Variants in CPNE4 observed in about 807,000 individuals in gnomAD.
CPNE4 encodes copine-4.
Under a neutral mutation model 67.9 loss-of-function variants are expected in CPNE4, and 25 were observed. That is an observed-to-expected ratio of 0.37 (90% CI 0.27 to 0.51). CPNE4 has a LOEUF of 0.51. CPNE4 is among the 20% of genes least tolerant of loss of function. CPNE4 has a pLI of 0.93. For synonymous variants in CPNE4, 242 were observed against 244.9 expected, an observed-to-expected ratio of 0.99 and a Z score of 0.11; for missense variants, 464 against 690.8, an observed-to-expected ratio of 0.67 and a Z score of 3.68.
At chr3:131,550,385 T>C (rs1286234706) in intron 13 of CPNE4, among the ~76,000 whole-genome samples, 2 of 152,104 alleles carry the variant, frequency 1.3e-5, no homozygotes, top group African/African-American at 2.4e-5. Context: ...GTTATACCCA[T>C]TTTATAGGTG....
chr3:131,794,997 T>C (rs1359283205), intron 2 of CPNE4, among the ~76,000 whole-genome samples: 4 of 152,230 alleles, frequency 2.6e-5, no homozygotes, highest in African/African-American at 9.6e-5. Flanking sequence ...CCATCTGTCG[T>C]GGCTTAGCCA....
intron 2 of CPNE4, among the ~76,000 whole-genome samples, chr3:131,849,424 A>T (rs549010700): frequency 6.6e-6 from 1 of 152,218 alleles, no homozygotes; most frequent in South Asian, 2.1e-4. Flanking sequence ...AATGTTTTAC[A>T]TGGCCAGACG....
intron 2 of CPNE4, among the ~76,000 whole-genome samples, chr3:131,822,427 C>T (rs973112746): frequency 6.6e-6 from 1 of 152,138 alleles, no homozygotes; most frequent in African/African-American, 2.4e-5. Flanking sequence ...AGAAAATAAC[C>T]ATTTTCTCTT....
intron 2 of CPNE4, among the ~76,000 whole-genome samples, chr3:131,826,609 T>C (rs188339009): frequency 3.9e-5 from 6 of 152,140 alleles, no homozygotes; most frequent in African/African-American, 1.5e-4. Context: ...GTTAATTCCC[T>C]ATCTTCCCTA....
At chr3:131,707,521 G>C (rs1166405804) in intron 3 of CPNE4, among the ~76,000 whole-genome samples, 3 of 152,098 alleles carry the variant, frequency 2.0e-5, no homozygotes, top group Non-Finnish European at 4.4e-5. Context: ...TATTTTTGGG[G>C]GCCACTGTTT....
chr3:132,016,806 T>A (rs1560791203), intron 1 of CPNE4, among the ~76,000 whole-genome samples: 1 of 152,206 alleles, frequency 6.6e-6, no homozygotes, highest in Non-Finnish European at 1.5e-5. Flanking sequence ...CATCTAGCAG[T>A]CATATTCACA....
intron 3 of CPNE4, among the ~76,000 whole-genome samples, chr3:131,722,500 A>C (rs1394091651): frequency 1.3e-5 from 2 of 149,246 alleles, no homozygotes; most frequent in African/African-American, 4.9e-5. Flanking sequence ...CTTACTTGGA[A>C]GTCTCCCCTC....
At chr3:131,685,363 G>T (rs1031725740) in intron 6 of CPNE4, among the ~76,000 whole-genome samples, 2 of 151,748 alleles carry the variant, frequency 1.3e-5, no homozygotes, top group Admixed American at 6.6e-5. Context: ...TAGAAATTGG[G>T]GTTAGAAAGG....
intron 2 of CPNE4, among the ~76,000 whole-genome samples, chr3:131,779,657 A>C (rs2083384076): frequency 6.6e-6 from 1 of 152,044 alleles, no homozygotes; most frequent in Admixed American, 6.6e-5. Context: ...CTGGACCCTT[A>C]CCTGTCACCA....
intron 2 of CPNE4, among the ~76,000 whole-genome samples, chr3:131,760,012 T>C (rs896028747): frequency 6.6e-6 from 1 of 152,218 alleles, no homozygotes; most frequent in African/African-American, 2.4e-5. Context: ...TCCTCCACTA[T>C]AAAGAAAATT....
At chr3:131,767,269 G>GTGTC (rs2083044375) in intron 2 of CPNE4, among the ~76,000 whole-genome samples, 1 of 151,716 alleles carries the variant, frequency 6.6e-6, no homozygotes, top group Admixed American at 6.6e-5. Context: ...GCGTGTGTGT[G>GTGTC]TGTGTGTGTG....
chr3:131,786,044 C>T (rs2083553823), intron 2 of CPNE4, among the ~76,000 whole-genome samples: 1 of 151,998 alleles, frequency 6.6e-6, no homozygotes, highest in African/African-American at 2.4e-5. Flanking sequence ...AACCGCAAGG[C>T]CCAAAGCCTC....
intron 1 of CPNE4, among the ~76,000 whole-genome samples, chr3:131,928,950 C>A (rs1225036): frequency 0.24 from 36,715 of 151,892 alleles, 5,264 homozygotes; most frequent in Non-Finnish European, 0.32. Flanking sequence ...GTAGAGAGGG[C>A]TAGTCCTAGG....
intron 7 of CPNE4, among the ~76,000 whole-genome samples, chr3:131,668,214 A>G (rs2080311175): frequency 6.6e-6 from 1 of 152,212 alleles, no homozygotes; most frequent in African/African-American, 2.4e-5. Flanking sequence ...ATATAAAGCA[A>G]CCTTAAAGAG....
At chr3:131,994,805 C>T (rs1320899) in intron 1 of CPNE4, among the ~76,000 whole-genome samples, 3,765 of 152,282 alleles carry the variant, frequency 0.025, 146 homozygotes, top group African/African-American at 0.084. Flanking sequence ...GAGACTGTCA[C>T]TTGTACAGAA....
intron 1 of CPNE4, among the ~76,000 whole-genome samples, chr3:131,965,696 C>A (rs1046234605): frequency 1.3e-5 from 2 of 152,072 alleles, no homozygotes; most frequent in Non-Finnish European, 2.9e-5. Context: ...ATATATGCAC[C>A]CAATACAGGG....
In CPNE4 at chr3:131,953,169, C is replaced by G. The variant is rs972289845; in HGVS notation, c.-1-47725G>C. Among the ~76,000 whole-genome samples, 32 of 149,872 alleles carry G rather than the reference C, an allele frequency of 2.1e-4. No homozygotes were observed. In the Admixed American group the frequency reaches 2.2e-3, roughly 10 times the overall value. On this transcript the variant is annotated intron_variant, in intron 1 of 15. Coordinates refer to ENST00000429747, the MANE Select transcript of CPNE4 (RefSeq NM_130808.3). ...CTTTGCTCACTTGTTAATCTGCTGA[C>G]CTTCCCTCCACTATTGTCATATGAC...
At chr3:131,929,196 C>CAAAA (rs57462900) in intron 1 of CPNE4, among the ~76,000 whole-genome samples, 3 of 98,826 alleles carry the variant, frequency 3.0e-5, no homozygotes, top group Non-Finnish European at 4.0e-5. Context: ...TTGTCCTCAC[C>CAAAA]AAAAAAAAAA....
intron 1 of CPNE4, among the ~76,000 whole-genome samples, chr3:132,003,782 G>A (rs915480110): frequency 4.6e-5 from 7 of 152,046 alleles, no homozygotes; most frequent in African/African-American, 1.7e-4. Flanking sequence ...TGGGATCTGG[G>A]AAAGTAAAAA....
Sources: allele counts gnomAD v4.1 joint callset (sites outside exome capture counted in the v4.1 genomes callset), GRCh38; gene constraint gnomAD v4.1.1; transcripts MANE v1.5; gene names NCBI Gene and HGNC (gene_info 2026-07-23, HGNC 2026-07-21).